Variants in AKAP10 observed in about 807,000 individuals in gnomAD.
AKAP10 encodes the protein A-kinase anchoring protein 10.
Under a neutral mutation model 80.8 loss-of-function variants are expected in AKAP10, and 24 were observed. The observed-to-expected ratio is 0.30, with a 90% CI of 0.22 to 0.42. AKAP10 has a LOEUF of 0.42. Ranked by LOEUF, AKAP10 falls within the 10% of genes least tolerant of loss-of-function variation. The pLI, the probability that AKAP10 is intolerant of heterozygous loss-of-function variation, is 1.00. For synonymous variants in AKAP10, 291 were observed against 277.7 expected (o/e 1.05, Z -0.48); for missense variants, 661 against 794.9 (o/e 0.83, Z 2.03).
chr17:19,967,612 G>A (rs997316710), intron 2 of AKAP10, among the ~76,000 whole-genome samples: 1 of 152,238 alleles, frequency 6.6e-6, no homozygotes, highest in African/African-American at 2.4e-5. Context: ...GCCAGGCATG[G>A]TGGCTCACGC....
chr17:19,911,881 T>C (rs919007279), intron 12 of AKAP10, among the ~76,000 whole-genome samples: 1 of 143,022 alleles, frequency 7.0e-6, no homozygotes, highest in African/African-American at 2.6e-5. Context: ...AAATCTCTGA[T>C]GTCTACATGA....
intron 3 of AKAP10, among the ~76,000 whole-genome samples, chr17:19,959,146 C>G (rs2043319289): frequency 6.6e-6 from 1 of 152,042 alleles, no homozygotes; most frequent in African/African-American, 2.4e-5. Flanking sequence ...AGCCACTGCG[C>G]CCAGCCCAGA....
intron 4 of AKAP10, among the ~76,000 whole-genome samples, chr17:19,950,944 G>A (rs572880318): frequency 1.6e-4 from 24 of 150,774 alleles, no homozygotes; most frequent in African/African-American, 4.2e-4. Flanking sequence ...TGGGAGGAGC[G>A]CCTCTGCCCG....
intron 4 of AKAP10, among the ~76,000 whole-genome samples, chr17:19,953,751 G>C (rs938353166): frequency 2.0e-5 from 3 of 151,638 alleles, no homozygotes; most frequent in African/African-American, 7.3e-5. Flanking sequence ...CTAGGCCCCT[G>C]CCAGGCACGG....
At chr17:19,930,205 T>C in intron 10 of AKAP10, among the ~76,000 whole-genome samples, 1 of 152,316 alleles carries the variant, frequency 6.6e-6, no homozygotes, top group South Asian at 2.1e-4. Context: ...AAGGGTTATT[T>C]ATTTGTCAAC....
intron 4 of AKAP10, among the ~76,000 whole-genome samples, chr17:19,950,779 G>C (rs1226054502): frequency 3.3e-5 from 5 of 151,932 alleles, no homozygotes; most frequent in Non-Finnish European, 7.4e-5. Context: ...CATCGTCTGG[G>C]ATGTGAGGAG....
chr17:19,943,307 A>G (rs975352334), intron 5 of AKAP10, among the ~76,000 whole-genome samples: 3 of 152,158 alleles, frequency 2.0e-5, no homozygotes, highest in Non-Finnish European at 4.4e-5. Flanking sequence ...AGGGCTAATC[A>G]CCAGAAAGAC....
Position 19,931,905 on chromosome 17 carries a change from C to G in AKAP10, c.1541G>C (p.Gly514Ala). 1 of 1,614,060 alleles carries G rather than the reference C, an allele frequency of 6.2e-7. No homozygotes were observed. Among genetic ancestry groups the G allele is most frequent in the East Asian group, 2.2e-5 (1 of 44,878 alleles). ...CACGTTCCCGCCCAGAAATTCATCT[C>G]CTCGAACCGAATGGATGAGATCATT... is the stretch of plus-strand genomic sequence containing the variant. ...YLNDLIHSVR[G>A]DEFLGGNVSL... The change falls in exon 10 of 15, where the codon GGA (glycine) becomes GCA (alanine). Residue 514 changes from glycine (G) to alanine (A), a missense_variant. Gly to Ala is a moderately conservative substitution (Grantham distance 60). Transcript: ENST00000225737.
Position 19,958,304 on chromosome 17 carries a change from G to A in AKAP10, c.587C>T (p.Ala196Val), listed in dbSNP as rs1015309643. 39 of 1,614,042 alleles carry A rather than the reference G, an allele frequency of 2.4e-5. 1 individual carries two copies. The highest frequency in any genetic ancestry group is 6.7e-5 in the African/African-American group (5 of 74,912). Residue 196 changes from alanine (A) to valine (V), a missense_variant, in exon 4 of 15, where the codon GCG becomes GTG. Physicochemically the swap from Ala to Val is moderately conservative, Grantham distance 64. Coordinates refer to ENST00000225737, the MANE Select transcript of AKAP10 (RefSeq NM_007202.4). ...VSPSKKHETT[A>V]SFLTDSLDKR... ...ATCAAGAGAATCAGTTAAAAAAGAC[G>A]CTGTAGTTTCATGCTTTTTAGATGG... is the stretch of plus-strand genomic sequence containing the variant.
chr17:19,927,059 G>A (rs2042882229), intron 10 of AKAP10, among the ~76,000 whole-genome samples: 2 of 152,176 alleles, frequency 1.3e-5, no homozygotes, highest in Non-Finnish European at 2.9e-5. Context: ...GAAAAGACAG[G>A]TTGCGTGTGG....
chr17:19,962,912 A>T lies in AKAP10; in HGVS notation c.247T>A (p.Phe83Ile), dbSNP rs755506064. 2 of 1,614,084 alleles carry T rather than the reference A, an allele frequency of 1.2e-6. No individual in the cohort carries two copies. Among genetic ancestry groups the T allele is most frequent in the Non-Finnish European group, 1.7e-6 (2 of 1,179,936 alleles). The change falls in exon 3 of 15, where the codon TTT (phenylalanine) becomes ATT (isoleucine). Residue 83 changes from phenylalanine to isoleucine, a missense_variant. Phe to Ile is a conservative substitution (Grantham distance 21, BLOSUM62 0). Coordinates refer to ENST00000225737, the MANE Select transcript of AKAP10 (RefSeq NM_007202.4). ...AGTGTGGCTGTCCTGCTACTTGAAA[A>T]GGAGTCCATGTTGGCAGAAATGGCA... The part of the protein sequence containing the change: ...INAISANMDS[F>I]SSSRTATLKK...
intron 4 of AKAP10, among the ~76,000 whole-genome samples, chr17:19,953,240 G>A (rs749199260): frequency 1.2e-4 from 18 of 151,934 alleles, no homozygotes; most frequent in Non-Finnish European, 1.5e-4. Flanking sequence ...AGAATTTGTG[G>A]GGGTGTAACT....
rs78647686 is a variant in AKAP10 at position 19,932,165 on chromosome 17, A to G, written c.1468-187T>C. On this transcript the variant is annotated intron_variant, in intron 9 of 14. Coordinates refer to ENST00000225737, the MANE Select transcript of AKAP10 (RefSeq NM_007202.4). ...AGTTTACAAATTAAAATTATAATGC[A>G]TAAGGCTGGGTGCAGTGGCTTACAC... Among the ~76,000 whole-genome samples the G allele has an allele frequency of 8.2e-3, 1,253 of 152,112 alleles. 20 individuals carry two copies. Among genetic ancestry groups the G allele is most frequent in the African/African-American group, 0.029 (1,202 of 41,526 alleles).
chr17:19,953,413 G>C (rs2043237649), intron 4 of AKAP10, among the ~76,000 whole-genome samples: 1 of 150,048 alleles, frequency 6.7e-6, no homozygotes, highest in African/African-American at 2.4e-5. Flanking sequence ...ATAATAAAGA[G>C]CAGAAAATCA....
At chr17:19,929,902 G>A (rs948546529) in intron 10 of AKAP10, among the ~76,000 whole-genome samples, 4 of 151,686 alleles carry the variant, frequency 2.6e-5, no homozygotes, top group East Asian at 1.9e-4. Flanking sequence ...GCTTGAACCC[G>A]GGAGGTGGAG....
chr17:19,967,548 C>T (rs963208342), intron 2 of AKAP10, among the ~76,000 whole-genome samples: 4 of 152,204 alleles, frequency 2.6e-5, no homozygotes, highest in Admixed American at 6.5e-5. Flanking sequence ...CACTGGTTCA[C>T]TGTAATCACT....
At chr17:19,971,684 T>C (rs1393374205) in intron 1 of AKAP10, among the ~76,000 whole-genome samples, 1 of 152,260 alleles carries the variant, frequency 6.6e-6, no homozygotes, top group African/African-American at 2.4e-5. Context: ...TTCCTGTTAA[T>C]GAACATTTAC....
chr17:19,930,471 C>T (rs185411725), intron 10 of AKAP10, among the ~76,000 whole-genome samples: 111 of 152,090 alleles, frequency 7.3e-4, no homozygotes, highest in Non-Finnish European at 8.1e-4. Flanking sequence ...TAATGCAAAA[C>T]GAAATCAAAA....
chr17:19,924,452 C>T lies in AKAP10; in HGVS notation c.1707G>A (p.Ala569=), dbSNP rs199875653. 154 of 1,606,160 alleles carry T rather than the reference C, an allele frequency of 9.6e-5. No individual in the cohort carries two copies. Among genetic ancestry groups the T allele is most frequent in the Non-Finnish European group, 1.3e-4 (151 of 1,175,550 alleles). Residue 569 remains alanine (A), a synonymous_variant, in exon 11 of 15, where the codon GCG becomes GCA. Transcript: ENST00000225737. ...KNFDEAIIVD[A]ASLDPESLYQ... is the part of the protein sequence containing the mutation. ...ATAAAGATTCTGGATCCAGACTTGC[C>T]GCATCCACAATTATCGCTTCATCAA... is the stretch of plus-strand genomic sequence containing the variant.
Sources: allele counts gnomAD v4.1 joint callset (sites outside exome capture counted in the v4.1 genomes callset), GRCh38; gene constraint gnomAD v4.1.1; transcripts MANE v1.5; gene names NCBI Gene and HGNC (gene_info 2026-07-23, HGNC 2026-07-21).